Variants in KIF5C observed in about 807,000 individuals in gnomAD.
KIF5C encodes kinesin family member 5C.
KIF5C carries 18 observed loss-of-function variants against 125.2 expected under a neutral mutation model. The ratio of observed to expected loss-of-function variants is 0.14; its 90% CI spans 0.10 to 0.21. The LOEUF (loss-of-function observed/expected upper bound fraction) is 0.21, where lower values mean the gene tolerates loss of function less well. KIF5C is among the 10% of genes least tolerant of loss of function. The pLI is 1.00. For synonymous variants in KIF5C, 405 were observed against 434.0 expected (o/e 0.93, Z 0.83); for missense variants, 780 against 1,183.8 (o/e 0.66, Z 5.01).
intron 21 of KIF5C, among the ~76,000 whole-genome samples, chr2:149,002,976 G>A (rs1681902652): frequency 6.6e-6 from 1 of 152,066 alleles, no homozygotes; most frequent in Admixed American, 6.6e-5. Context: ...CGCTGGGCGC[G>A]GTTCCATGCG....
At chr2:148,886,124 C>T (rs1281663585) in intron 1 of KIF5C, 1 of 152,142 alleles carries the variant, frequency 6.6e-6, no homozygotes, top group Non-Finnish European at 1.5e-5. Flanking sequence ...ACTTTTGTTC[C>T]CCTTTTACAG....
chr2:149,010,192 C>T lies in KIF5C; in HGVS notation c.2608C>T (p.Arg870Cys), dbSNP rs1158796093. 3 of 1,555,574 alleles carry T rather than the reference C, an allele frequency of 1.9e-6. No homozygotes were observed. The highest frequency in any genetic ancestry group is 2.6e-6 in the Non-Finnish European group (3 of 1,149,764). Residue 870 changes from arginine to cysteine, a missense_variant, in exon 24 of 26, where the codon CGT becomes TGT. This residue lies in a region of KIF5C where 573 missense variants were observed against 742.6 expected (regional missense o/e 0.77). Transcript: ENST00000435030. ...CELPKLEKRL[R>C]ATAERVKALE... Reference sequence around the variant, plus strand: ...ACTGCCCAAGCTGGAGAAGCGGCTGCGTGCCACGGCGGAGCGCGTCAAGGC... The same window carrying T: ...ACTGCCCAAGCTGGAGAAGCGGCTGTGTGCCACGGCGGAGCGCGTCAAGGC...
At chr2:148,888,728 C>T (rs551664655) in intron 1 of KIF5C, 4 of 152,002 alleles carry the variant, frequency 2.6e-5, no homozygotes, top group South Asian at 4.2e-4. Context: ...ATCTGCCCAC[C>T]CTACATCTTC....
intron 1 of KIF5C, among the ~76,000 whole-genome samples, chr2:148,881,383 T>TGTGC (rs1451149253): frequency 6.6e-6 from 1 of 152,182 alleles, no homozygotes; most frequent in Non-Finnish European, 1.5e-5. Context: ...CATGTTTGTG[T>TGTGC]GTGCGTGTGC....
intron 25 of KIF5C, among the ~76,000 whole-genome samples, chr2:149,013,759 A>C (rs907338571): frequency 2.0e-5 from 3 of 152,124 alleles, no homozygotes; most frequent in Admixed American, 2.0e-4. Context: ...CATGGGTTCC[A>C]ACAAAGGTCT....
intron 14 of KIF5C, 145 bp from the exon 15 acceptor site, chr2:148,983,475 A>T: frequency 1.8e-6 from 2 of 1,130,710 alleles, no homozygotes; most frequent in Non-Finnish European, 1.2e-6. Flanking sequence ...ATGCAGTGCT[A>T]TGCGAGAGTT....
chr2:148,962,938 G>C (rs1460504812), intron 11 of KIF5C, among the ~76,000 whole-genome samples: 1 of 152,118 alleles, frequency 6.6e-6, no homozygotes, highest in Non-Finnish European at 1.5e-5. Context: ...AAGGAGCCCT[G>C]TGCTAAAATG....
At chr2:148,982,942 TA>T in intron 14 of KIF5C, among the ~76,000 whole-genome samples, 1 of 152,214 alleles carries the variant, frequency 6.6e-6, no homozygotes, top group South Asian at 2.1e-4. Flanking sequence ...TAAGAATACA[TA>T]CCTTTTGGCA....
In KIF5C at chr2:149,010,375, C is replaced by A. The variant is rs750016506; in HGVS notation, c.2767+24C>A. 2.6e-6 allele frequency: 4 copies of A among 1,520,142 alleles called. No individual in the cohort carries two copies. In the African/African-American group the frequency reaches 5.6e-5, roughly 21 times the overall value. The allele number at this position is 1,520,142 out of a possible 1,614,324, so 94.2% of individuals were successfully genotyped here. ...CGGTACGTGCGTGCACAGTGGCGCC[C>A]GGGGTTTGAGAAGCTACTGCGGCCT... On this transcript the variant is annotated intron_variant, in intron 24 of 25. Coordinates refer to ENST00000435030, the MANE Select transcript of KIF5C (RefSeq NM_004522.3).
intron 25 of KIF5C, among the ~76,000 whole-genome samples, chr2:149,021,505 T>C (rs1316880354): frequency 1.3e-5 from 2 of 152,158 alleles, no homozygotes; most frequent in Non-Finnish European, 2.9e-5. Context: ...TGAGAATTTT[T>C]CTATTTATAT....
At chr2:149,011,493 T>C in intron 24 of KIF5C, 77 bp from the exon 25 acceptor site, 1 of 1,560,700 alleles carries the variant, frequency 6.4e-7, no homozygotes, top group East Asian at 2.3e-5. Context: ...TTGTCACAGG[T>C]GACCTGTAGA....
chr2:148,901,448 A>G (rs868330847), intron 1 of KIF5C, among the ~76,000 whole-genome samples: 3 of 152,292 alleles, frequency 2.0e-5, no homozygotes, highest in Non-Finnish European at 4.4e-5. Context: ...CAGGGATGTG[A>G]GGGAGACGTT....
intron 10 of KIF5C, among the ~76,000 whole-genome samples, chr2:148,954,296 A>G (rs1682740596): frequency 6.6e-6 from 1 of 152,204 alleles, no homozygotes; most frequent in Non-Finnish European, 1.5e-5. Flanking sequence ...AGGAGGCAGC[A>G]CTTGAATTAC....
intron 10 of KIF5C, among the ~76,000 whole-genome samples, chr2:148,957,402 A>G (rs1682816945): frequency 6.6e-6 from 1 of 152,196 alleles, no homozygotes; most frequent in African/African-American, 2.4e-5. Flanking sequence ...CCAAATAGAA[A>G]GAAGCTAGTG....
intron 4 of KIF5C, among the ~76,000 whole-genome samples, chr2:148,938,399 C>T (rs563340355): frequency 1.2e-4 from 18 of 152,286 alleles, no homozygotes; most frequent in Non-Finnish European, 2.1e-4. Flanking sequence ...TTGAGCATAT[C>T]GTCACCTCCA....
At chr2:148,875,890 C>T (rs1323754093) in intron 1 of KIF5C, 147 bp downstream of exon 1, 3 of 1,193,122 alleles carry the variant, frequency 2.5e-6, no homozygotes, top group East Asian at 3.2e-5. Flanking sequence ...AGAGACCCCT[C>T]GCCCCGCGCA....
intron 15 of KIF5C, among the ~76,000 whole-genome samples, chr2:148,984,773 C>T (rs905963709): frequency 9.2e-5 from 14 of 151,926 alleles, no homozygotes; most frequent in Non-Finnish European, 1.8e-4. Context: ...TATTGGTGCT[C>T]TTGGTTATTT....
chr2:148,884,607 G>A (rs935847218), intron 1 of KIF5C, among the ~76,000 whole-genome samples: 1 of 152,086 alleles, frequency 6.6e-6, no homozygotes, highest in Non-Finnish European at 1.5e-5. Flanking sequence ...GCTTTAAAGC[G>A]AAATCTTAAC....
intron 1 of KIF5C, among the ~76,000 whole-genome samples, chr2:148,918,668 A>ATG (rs1681657776): frequency 6.6e-6 from 1 of 152,212 alleles, no homozygotes; most frequent in African/African-American, 2.4e-5. Flanking sequence ...TACAGAGAAA[A>ATG]GTCCGTGGGG....
Sources: gnomAD v4.1 joint callset for allele counts (sites outside exome capture counted in the v4.1 genomes callset) on GRCh38, gnomAD v4.1.1 for gene constraint, gnomAD v4.1.1 regional missense constraint, MANE v1.5 for transcripts, NCBI Gene and HGNC (gene_info 2026-07-23, HGNC 2026-07-21) for gene names.